GABRA6: variants seen among roughly 807,000 people sequenced by gnomAD.
The protein encoded by GABRA6 is gamma-aminobutyric acid receptor subunit alpha-6.
In GABRA6, 45 loss-of-function variants were observed where a neutral mutation model predicts 47.3. That is an observed-to-expected ratio of 0.95 (90% CI 0.75 to 1.22). The LOEUF (loss-of-function observed/expected upper bound fraction) is 1.22. GABRA6 is among the 50% of genes most tolerant of loss of function. The probability of loss-of-function intolerance (pLI) is 0.00; values close to 1 mark genes in which losing one functional copy is unlikely to be tolerated. For synonymous variants in GABRA6, 219 were observed against 194.7 expected (o/e 1.12, Z -1.04); for missense variants, 583 against 549.3 (o/e 1.06, Z -0.61).
Position 161,701,897 on chromosome 5 carries a change from A to G in GABRA6, c.*124A>G. 2 of 1,086,072 alleles carry G rather than the reference A, an allele frequency of 1.8e-6. No individual in the cohort carries two copies. The highest frequency in any genetic ancestry group is 2.6e-5 in the South Asian group (2 of 75,792). 67.3% of individuals were successfully genotyped at this position (1,086,072 alleles called of 1,614,324 possible). A position where few individuals can be genotyped will look rare whatever the true frequency, so the allele number is the denominator to read the frequency against. ...ACATGAAATCAAATTGGAAATCTGT[A>G]ACGCAGCTTCCGTAAGCATGTGTGG... On this transcript the variant is annotated 3_prime_UTR_variant, in exon 9 of 9. Transcript: ENST00000274545.
chr5:161,702,097 C>T lies in GABRA6; in HGVS notation c.*324C>T, dbSNP rs989015274. 40 of 301,054 alleles carry T rather than the reference C, an allele frequency of 1.3e-4. No individual in the cohort carries two copies. The highest frequency in any genetic ancestry group is 2.2e-4 in the Non-Finnish European group (35 of 158,600). The allele number at this position is 301,054 out of a possible 1,614,324, so 18.6% of individuals were successfully genotyped here. ...TAATTGTCACTGTAAATAACATTTA[C>T]CACAAGGCAGATAAAATAAGAAATG... On this transcript the variant is annotated 3_prime_UTR_variant, in exon 9 of 9. Coordinates refer to ENST00000274545, the MANE Select transcript of GABRA6 (RefSeq NM_000811.3).
intron 3 of GABRA6, chr5:161,687,250 T>C (rs529274810): frequency 3.9e-4 from 199 of 516,012 alleles, no homozygotes; most frequent in Non-Finnish European, 6.3e-4. Flanking sequence ...CCACATGCTA[T>C]GCACTAATTC....
intron 8 of GABRA6, among the ~76,000 whole-genome samples, chr5:161,700,118 G>A (rs1163538519): frequency 6.6e-6 from 1 of 152,220 alleles, no homozygotes; most frequent in South Asian, 2.1e-4. Flanking sequence ...ATATAGAAAA[G>A]AAGTTTTGGG....
At chr5:161,689,579 GAA>G (rs745531277) in intron 5 of GABRA6, 55 bp from the exon 6 acceptor site, 22 of 1,472,118 alleles carry the variant, frequency 1.5e-5, no homozygotes, top group Non-Finnish European at 2.1e-5. Context: ...CACTTTGAAG[GAA>G]AAAAAGACAA....
chr5:161,692,239 A>T, intron 8 of GABRA6, 39 bp downstream of exon 8: 1 of 1,613,482 alleles, frequency 6.2e-7, no homozygotes, highest in Non-Finnish European at 8.5e-7. Flanking sequence ...TACCGTAGGA[A>T]AAAGCAGCCT....
rs758574703 is a variant in GABRA6 at position 161,702,109 on chromosome 5, T to C, written c.*336T>C. ...TAAATAACATTTACCACAAGGCAGA[T>C]AAAATAAGAAATGCTGACACTTCCA... On this transcript the variant is annotated 3_prime_UTR_variant, in exon 9 of 9. Coordinates refer to ENST00000274545, the MANE Select transcript of GABRA6 (RefSeq NM_000811.3). 1.1e-5 allele frequency: 3 copies of C among 277,298 alleles called. No individual in the cohort carries two copies. Among genetic ancestry groups the C allele is most frequent in the Non-Finnish European group, 2.1e-5 (3 of 144,086 alleles). The allele number at this position is 277,298 out of a possible 1,614,324, so 17.2% of individuals were successfully genotyped here.
intron 3 of GABRA6, 65 bp downstream of exon 3, chr5:161,687,068 A>G: frequency 7.7e-7 from 1 of 1,292,262 alleles, no homozygotes; most frequent in Non-Finnish European, 1.1e-6. Context: ...CCCAAAACTA[A>G]TGATAATGGG....
chr5:161,699,237 C>T (rs945670546), intron 8 of GABRA6, among the ~76,000 whole-genome samples: 6 of 152,132 alleles, frequency 3.9e-5, no homozygotes, highest in Admixed American at 3.9e-4. Flanking sequence ...GAAAGAAAAT[C>T]TGCTCTGAAG....
At position 161,701,579 on chromosome 5, in the gene GABRA6, G is replaced by A. The variant is rs368401354; in HGVS notation, c.1168G>A (p.Val390Met). ...PIVSSSEANK[V>M]LTRAPILQST... ...AGTTTCATCTTCCGAGGCCAATAAAGTGCTCACGAGAGCGCCCATCTTACA... is the reference window on the plus strand; with the variant it reads ...AGTTTCATCTTCCGAGGCCAATAAAATGCTCACGAGAGCGCCCATCTTACA... Residue 390 changes from valine to methionine, a missense_variant, in exon 9 of 9, where the codon GTG becomes ATG. By Grantham distance (21) the Val-to-Met change is conservative. Transcript: ENST00000274545. 17 of 1,614,120 alleles carry A rather than the reference G, an allele frequency of 1.1e-5. No individual in the cohort carries two copies. The highest frequency in any genetic ancestry group is 1.3e-5 in the African/African-American group (1 of 75,034).
At chr5:161,694,893 CT>C (rs781753300) in intron 8 of GABRA6, among the ~76,000 whole-genome samples, 101 of 152,060 alleles carry the variant, frequency 6.6e-4, no homozygotes, top group Admixed American at 4.8e-3. Flanking sequence ...GGCAAGTTGT[CT>C]TATATGATAT....
rs1754984248 is a variant in GABRA6 at position 161,701,648 on chromosome 5, G to C, written c.1237G>C (p.Gly413Arg). The C allele has an allele frequency of 1.9e-6, 3 of 1,614,132 alleles. No individual in the cohort carries two copies. The highest frequency in any genetic ancestry group is 1.6e-4 in the Middle Eastern group (1 of 6,062). Residue 413 changes from glycine (G) to arginine (R), a missense_variant, in exon 9 of 9, where the codon GGC becomes CGC. Coordinates refer to ENST00000274545, the MANE Select transcript of GABRA6 (RefSeq NM_000811.3). ...TPPPLSPAFGGTSKIDQYSRI... is the reference protein window; with the variant it reads ...TPPPLSPAFGRTSKIDQYSRI... ...CCCACCACTCTCGCCAGCCTTTGGA[G>C]GCACCAGTAAAATAGACCAGTATTC... is the stretch of plus-strand genomic sequence containing the variant.
chr5:161,701,858 A>C lies in GABRA6; in HGVS notation c.*85A>C. The C allele has an allele frequency of 7.3e-7, 1 of 1,373,532 alleles. No homozygotes were observed. Among genetic ancestry groups the C allele is most frequent in the Non-Finnish European group, 1.0e-6 (1 of 967,292 alleles). 85.1% of individuals were successfully genotyped at this position (1,373,532 alleles called of 1,614,324 possible). A position where few individuals can be genotyped will look rare whatever the true frequency, so the allele number is the denominator to read the frequency against. On this transcript the variant is annotated 3_prime_UTR_variant, in exon 9 of 9. Transcript: ENST00000274545. ...TAAAAAATAGCATTGAGACTTGTGT[A>C]GATGCTTCTCAGAACATGAAATCAA...
Position 161,686,229 on chromosome 5 carries a change from G to C in GABRA6, c.39-1G>C, listed in dbSNP as rs140035570. The stretch of plus-strand genomic sequence containing the variant: ...AAGGATCATTGACTGTCTACACACA[G>C]GCTAGAAAATGCCCTAGGGAAACTC... On this transcript the variant is annotated splice_acceptor_variant, in intron 1 of 8. Transcript: ENST00000274545. LOFTEE classifies it high-confidence loss of function. The C allele has an allele frequency of 3.8e-5, 61 of 1,608,280 alleles. No homozygotes were observed. Among genetic ancestry groups the C allele is most frequent in the Non-Finnish European group, 5.0e-5 (59 of 1,174,856 alleles).
Position 161,689,007 on chromosome 5 carries a change from G to T in GABRA6, c.284G>T (p.Gly95Val), listed in dbSNP as rs775718956. The change falls in exon 4 of 9, where the codon GGG becomes GTG. Residue 95 changes from glycine (G) to valine (V), a missense_variant. By Grantham distance (109) the Gly-to-Val change is moderately radical (BLOSUM62 -3). Coordinates refer to ENST00000274545, the MANE Select transcript of GABRA6 (RefSeq NM_000811.3). ...TGGACTGATGAGAGGTTGAAGTTTGGGGGGCCAACTGAGATTCTGAGTCTG... is the reference window on the plus strand; with the variant it reads ...TGGACTGATGAGAGGTTGAAGTTTGTGGGGCCAACTGAGATTCTGAGTCTG... ...QTWTDERLKF[G>V]GPTEILSLNN... 1.2e-5 allele frequency: 20 copies of T among 1,613,954 alleles called. No homozygotes were observed. The Admixed American group carries it at 3.0e-4, about 24-fold the overall frequency.
chr5:161,701,209 G>T (rs533074073), intron 8 of GABRA6, among the ~76,000 whole-genome samples: 2 of 152,098 alleles, frequency 1.3e-5, no homozygotes, highest in African/African-American at 4.8e-5. Flanking sequence ...TTTCCCTAAG[G>T]ATACAATGCT....
Position 161,690,961 on chromosome 5 carries a change from T to G in GABRA6, c.826+608T>G, listed in dbSNP as rs962443563. ...ACCTGAATTGAATAGAAATCATAAATCTTGATTTTTTAAATTTACTAAGTT... is the reference window on the plus strand; with the variant it reads ...ACCTGAATTGAATAGAAATCATAAAGCTTGATTTTTTAAATTTACTAAGTT... On this transcript the variant is annotated intron_variant, in intron 7 of 8. Transcript: ENST00000274545. Among the ~76,000 whole-genome samples the G allele has an allele frequency of 1.3e-4, 20 of 152,226 alleles. 1 individual carries two copies. The highest frequency in any genetic ancestry group is 4.1e-4 in the African/African-American group (17 of 41,566).
Position 161,691,987 on chromosome 5 carries a change from G to C in GABRA6, c.873G>C (p.Arg291=). 6.2e-7 allele frequency: 1 copy of C among 1,613,908 alleles called. No homozygotes were observed. The highest frequency in any genetic ancestry group is 8.5e-7 in the Non-Finnish European group (1 of 1,179,830). The change falls in exon 8 of 9, where the codon CGG becomes CGC. Residue 291 remains arginine (R), a synonymous_variant. Coordinates refer to ENST00000274545, the MANE Select transcript of GABRA6 (RefSeq NM_000811.3). The part of the protein sequence containing the change: ...LTMTTLSISA[R]HSLPKVSYAT... Reference sequence around the variant, plus strand: ...TGACCACTTTGAGCATCAGTGCCCGGCACTCTTTGCCAAAAGTGTCATATG... The same window carrying C: ...TGACCACTTTGAGCATCAGTGCCCGCCACTCTTTGCCAAAAGTGTCATATG...
chr5:161,687,110 A>G, intron 3 of GABRA6, 107 bp downstream of exon 3: 1 of 891,178 alleles, frequency 1.1e-6, no homozygotes, highest in Non-Finnish European at 1.9e-6. Flanking sequence ...CAGATTCATG[A>G]CACAATATTT....
At chr5:161,686,108 T>G (rs1346821883) in intron 1 of GABRA6, 81 bp downstream of exon 1, 16 of 1,457,940 alleles carry the variant, frequency 1.1e-5, no homozygotes, top group Non-Finnish European at 1.4e-5. Context: ...GACTCCTATA[T>G]CAAATCATGA....
Sources: allele counts gnomAD v4.1 joint callset (sites outside exome capture counted in the v4.1 genomes callset), GRCh38; gene constraint gnomAD v4.1.1; transcripts MANE v1.5; gene names NCBI Gene and HGNC (gene_info 2026-07-23, HGNC 2026-07-21).